Variants in AP2A2 observed in about 807,000 individuals in gnomAD.
The protein encoded by AP2A2 is AP-2 complex subunit alpha-2.
Under a neutral mutation model 104.2 loss-of-function variants are expected in AP2A2, and 32 were observed. The ratio of observed to expected loss-of-function variants is 0.31; its 90% CI spans 0.23 to 0.41. The LOEUF (loss-of-function observed/expected upper bound fraction) is 0.41. Ranked by LOEUF, AP2A2 falls within the 10% of genes least tolerant of loss-of-function variation. The pLI is 1.00. For synonymous variants in AP2A2, 539 were observed against 533.3 expected (o/e 1.01, Z -0.15); for missense variants, 912 against 1,261.0 (o/e 0.72, Z 4.19).
Position 959,424 on chromosome 11 carries a change from T to C in AP2A2, c.68-13T>C. The C allele has an allele frequency of 6.7e-7, 1 of 1,502,390 alleles. No homozygotes were observed. The highest frequency in any genetic ancestry group is 9.2e-7 in the Non-Finnish European group (1 of 1,086,896). 93.1% of individuals were successfully genotyped at this position (1,502,390 alleles called of 1,614,324 possible). ...CAATTAAAATAAAAATGGCTTTTTG[T>C]TCTTTTTTTTAGGTAAAAGTAAAGA... is the stretch of plus-strand genomic sequence containing the variant. On this transcript the variant is annotated splice_polypyrimidine_tract_variant and intron_variant, in intron 1 of 21. Transcript: ENST00000448903.
intron 10 of AP2A2, among the ~76,000 whole-genome samples, chr11:991,714 G>A (rs1855661488): frequency 6.6e-6 from 1 of 151,518 alleles, no homozygotes; most frequent in East Asian, 1.9e-4. Context: ...GGGGTGGGGG[G>A]GCACAGTCAC....
At chr11:965,857 A>C (rs1337699748) in intron 2 of AP2A2, among the ~76,000 whole-genome samples, 1 of 152,104 alleles carries the variant, frequency 6.6e-6, no homozygotes, top group Non-Finnish European at 1.5e-5. Context: ...TTCTTTTTTA[A>C]AGAGACAGGG....
rs567972706 is a variant in AP2A2 at position 942,550 on chromosome 11, A to G, written c.67+16462A>G. ...AATTTATCTCAGTAGTTTAGTCAGTAGATTCTGTTATTGGTAATGATGGGT... is the reference window on the plus strand; with the variant it reads ...AATTTATCTCAGTAGTTTAGTCAGTGGATTCTGTTATTGGTAATGATGGGT... On this transcript the variant is annotated intron_variant, in intron 1 of 21. Coordinates refer to ENST00000448903, the MANE Select transcript of AP2A2 (RefSeq NM_012305.4). 3.3e-5 allele frequency among the ~76,000 whole-genome samples: 5 copies of G among 152,344 alleles called. No homozygotes were observed. In the South Asian group the frequency reaches 1.0e-3, roughly 32 times the overall value.
chr11:950,187 T>C (rs867783550), intron 1 of AP2A2, among the ~76,000 whole-genome samples: 1 of 152,076 alleles, frequency 6.6e-6, no homozygotes, highest in Non-Finnish European at 1.5e-5. Flanking sequence ...AGTATGTAAA[T>C]GGACTCCTAC....
intron 16 of AP2A2, among the ~76,000 whole-genome samples, chr11:1,004,041 G>A (rs1856116344): frequency 6.6e-6 from 1 of 151,970 alleles, no homozygotes; most frequent in African/African-American, 2.4e-5. Context: ...TGGGTGCAAA[G>A]TTGTTGAAAA....
chr11:1,002,492 G>T (rs1041750625), intron 15 of AP2A2, among the ~76,000 whole-genome samples: 1 of 152,256 alleles, frequency 6.6e-6, no homozygotes, highest in Non-Finnish European at 1.5e-5. Context: ...CCAGCAGCCT[G>T]CCGGGCTGTG....
chr11:949,436 A>C (rs969733478), intron 1 of AP2A2, among the ~76,000 whole-genome samples: 2 of 152,172 alleles, frequency 1.3e-5, no homozygotes, highest in Non-Finnish European at 2.9e-5. Flanking sequence ...AGAAACAAGA[A>C]TCTTCAACCA....
Position 977,214 on chromosome 11 carries a change from A to G in AP2A2, c.593A>G (p.Asp198Gly), listed in dbSNP as rs1855075670. 2 of 1,600,396 alleles carry G rather than the reference A, an allele frequency of 1.2e-6. No homozygotes were observed. Among genetic ancestry groups the G allele is most frequent in the African/African-American group, 1.3e-5 (1 of 74,556 alleles). ...WTSRVVHLLN[D>G]QHLGVVTAAT... is the part of the protein sequence containing the mutation. ...TCCCGAGTGGTGCACCTGCTCAATG[A>G]CCAGCACTTGGTAAGCACCCTTGGC... The change falls in exon 5 of 22, where the codon GAC becomes GGC. Residue 198 changes from aspartate to glycine, a missense_variant. By Grantham distance (94) the Asp-to-Gly change is moderately conservative (BLOSUM62 -1). Transcript: ENST00000448903.
intron 14 of AP2A2, among the ~76,000 whole-genome samples, chr11:994,797 G>C (rs1433660602): frequency 2.5e-4 from 27 of 109,456 alleles, no homozygotes; most frequent in Non-Finnish European, 3.1e-4. Context: ...CTGCTGGCCT[G>C]TCCCGGGGGC....
intron 17 of AP2A2, 79 bp downstream of exon 17, chr11:1,006,696 GT>G: frequency 8.6e-7 from 1 of 1,161,860 alleles, no homozygotes; most frequent in East Asian, 2.4e-5. Flanking sequence ...AAGTTTTTTG[GT>G]TTTCTTATTT....
intron 7 of AP2A2, 150 bp downstream of exon 7, chr11:984,903 C>G (rs1855400248): frequency 4.3e-6 from 3 of 705,574 alleles, no homozygotes; most frequent in Admixed American, 5.0e-5. Context: ...GCTGTATGCG[C>G]TGGCTTTCGT....
intron 1 of AP2A2, chr11:933,503 T>G (rs1281964406): frequency 6.6e-6 from 3 of 455,786 alleles, no homozygotes; most frequent in Non-Finnish European, 1.3e-5. Flanking sequence ...GGTGTTCCCG[T>G]GTAGAAGTGG....
At chr11:974,828 C>T (rs553814781) in intron 4 of AP2A2, among the ~76,000 whole-genome samples, 37 of 150,718 alleles carry the variant, frequency 2.5e-4, no homozygotes, top group Admixed American at 4.0e-4. Context: ...CTACTAAAAC[C>T]AGAAAAATTA....
At chr11:943,567 G>C (rs1485835629) in intron 1 of AP2A2, among the ~76,000 whole-genome samples, 1 of 152,216 alleles carries the variant, frequency 6.6e-6, no homozygotes, top group Non-Finnish European at 1.5e-5. Context: ...GTGAGGGGTG[G>C]TCTCCTCCCT....
At chr11:961,784 G>A (rs1854448929) in intron 2 of AP2A2, among the ~76,000 whole-genome samples, 1 of 146,548 alleles carries the variant, frequency 6.8e-6, no homozygotes, top group South Asian at 2.2e-4. Context: ...AGCAGATGGA[G>A]ATGTGGGTCT....
At chr11:1,006,851 A>G in intron 17 of AP2A2, 1 of 528,410 alleles carries the variant, frequency 1.9e-6, no homozygotes, top group South Asian at 2.5e-5. Flanking sequence ...AATACCGTGT[A>G]CATGCCTCCT....
chr11:954,844 C>T (rs1320648789), intron 1 of AP2A2, among the ~76,000 whole-genome samples: 1 of 152,106 alleles, frequency 6.6e-6, no homozygotes, highest in Non-Finnish European at 1.5e-5. Flanking sequence ...GGTTAACTGC[C>T]TGTTTCTCCT....
chr11:1,002,299 G>A (rs531079707), intron 15 of AP2A2, among the ~76,000 whole-genome samples: 1 of 152,256 alleles, frequency 6.6e-6, no homozygotes, highest in Non-Finnish European at 1.5e-5. Flanking sequence ...TGAGCACGTG[G>A]ACCTCCGCCT....
intron 1 of AP2A2, among the ~76,000 whole-genome samples, chr11:927,436 A>G (rs1485281879): frequency 6.6e-6 from 1 of 150,834 alleles, no homozygotes; most frequent in Non-Finnish European, 1.5e-5. Flanking sequence ...GACGGGATGG[A>G]GGATCAGGAG....
Sources: gnomAD v4.1 joint callset for allele counts (sites outside exome capture counted in the v4.1 genomes callset) on GRCh38, gnomAD v4.1.1 for gene constraint, MANE v1.5 for transcripts, NCBI Gene and HGNC (gene_info 2026-07-23, HGNC 2026-07-21) for gene names.